The following KCNH7 variants were observed in gnomAD, a reference collection of about 807,000 sequenced individuals.
KCNH7 encodes voltage-gated inwardly rectifying potassium channel KCNH7.
Under a neutral mutation model 120.8 loss-of-function variants are expected in KCNH7, and 49 were observed. The ratio of observed to expected loss-of-function variants is 0.41; its 90% CI spans 0.32 to 0.51. The LOEUF is 0.51. Ranked by LOEUF, KCNH7 falls within the 20% of genes least tolerant of loss-of-function variation. The pLI is 0.38. For missense variants in KCNH7, 1,097 were observed against 1,446.6 expected (o/e 0.76, Z 3.92); for synonymous variants, 547 against 516.1 (o/e 1.06, Z -0.81).
rs1320641496 is a variant in KCNH7, at chr2:162,624,723, G to A, written c.308-87643C>T. 2.6e-5 allele frequency among the ~76,000 whole-genome samples: 4 copies of A among 151,858 alleles called. No homozygotes were observed. The East Asian group carries it at 7.8e-4, about 30-fold the overall frequency. On this transcript the variant is annotated intron_variant, in intron 2 of 15. Coordinates refer to ENST00000332142, the MANE Select transcript of KCNH7 (RefSeq NM_033272.4). Reference sequence around the variant, plus strand: ...GAATGAGAAACTTTAATCATTTTTAGTAACTCCTTACATGATAGCCCAGTT... The same window carrying A: ...GAATGAGAAACTTTAATCATTTTTAATAACTCCTTACATGATAGCCCAGTT...
intron 6 of KCNH7, among the ~76,000 whole-genome samples, chr2:162,487,365 C>T (rs1183926331): frequency 6.6e-6 from 1 of 152,054 alleles, no homozygotes. Context: ...TTATATTTTC[C>T]AAGTTTGCCT....
intron 2 of KCNH7, among the ~76,000 whole-genome samples, chr2:162,702,326 A>G (rs1686539218): frequency 6.6e-6 from 1 of 152,182 alleles, no homozygotes; most frequent in African/African-American, 2.4e-5. Context: ...CTATTACACC[A>G]TATTATGCAC....
chr2:162,566,300 A>C (rs1381383944), intron 2 of KCNH7, among the ~76,000 whole-genome samples: 1 of 152,030 alleles, frequency 6.6e-6, no homozygotes, highest in Non-Finnish European at 1.5e-5. Context: ...TTTTTGTGTA[A>C]AGCATGGTCG....
chr2:162,607,721 A>G (rs1193082953), intron 2 of KCNH7, among the ~76,000 whole-genome samples: 1 of 152,138 alleles, frequency 6.6e-6, no homozygotes, highest in East Asian at 1.9e-4. Flanking sequence ...ACAATTGCAT[A>G]CTTAAGTTGA....
At chr2:162,542,006 A>C (rs1013443680) in intron 2 of KCNH7, among the ~76,000 whole-genome samples, 23 of 152,040 alleles carry the variant, frequency 1.5e-4, no homozygotes, top group African/African-American at 5.6e-4. Flanking sequence ...TGTTTTAAGT[A>C]TGAAATTGTA....
chr2:162,598,506 A>T (rs1028836581), intron 2 of KCNH7, among the ~76,000 whole-genome samples: 7 of 152,132 alleles, frequency 4.6e-5, no homozygotes, highest in South Asian at 2.1e-4. Flanking sequence ...TTTTAAAATC[A>T]TAGCAGCATC....
At chr2:162,771,935 C>G (rs1683069557) in intron 2 of KCNH7, 1 of 152,120 alleles carries the variant, frequency 6.6e-6, no homozygotes, top group Admixed American at 6.6e-5. Flanking sequence ...CTCAAGGCAA[C>G]AGACGCATGA....
chr2:162,475,288 A>G (rs1038895024), intron 6 of KCNH7, among the ~76,000 whole-genome samples: 1 of 152,222 alleles, frequency 6.6e-6, no homozygotes, highest in South Asian at 2.1e-4. Flanking sequence ...TTGACAGTAA[A>G]GCCCTAATAA....
At chr2:162,731,993 C>T (rs1687745768) in intron 2 of KCNH7, among the ~76,000 whole-genome samples, 1 of 152,162 alleles carries the variant, frequency 6.6e-6, no homozygotes, top group Non-Finnish European at 1.5e-5. Flanking sequence ...CTTGAGTTTT[C>T]AGCTAAATGG....
intron 8 of KCNH7, among the ~76,000 whole-genome samples, chr2:162,429,428 G>C (rs1355948267): frequency 1.4e-5 from 1 of 70,332 alleles, no homozygotes; most frequent in Non-Finnish European, 2.6e-5. Context: ...ACCACTTCTA[G>C]TTTTTCGTTC....
chr2:162,591,553 C>T (rs1335170441), intron 2 of KCNH7, among the ~76,000 whole-genome samples: 1 of 152,028 alleles, frequency 6.6e-6, no homozygotes, highest in Non-Finnish European at 1.5e-5. Flanking sequence ...CAAGTACCTT[C>T]ATAGTGGTGC....
At chr2:162,552,837 G>T (rs1692719048) in intron 2 of KCNH7, among the ~76,000 whole-genome samples, 1 of 152,168 alleles carries the variant, frequency 6.6e-6, no homozygotes, top group Non-Finnish European at 1.5e-5. Context: ...ATGGAAAATG[G>T]ATTCTGCCAT....
intron 15 of KCNH7, 111 bp from the exon 16 acceptor site, chr2:162,372,206 A>C: frequency 1.2e-6 from 1 of 844,868 alleles, no homozygotes; most frequent in Non-Finnish European, 1.8e-6. Flanking sequence ...TCTATATTTG[A>C]TTAGTGATAT....
At chr2:162,601,487 C>G (rs1258953320) in intron 2 of KCNH7, among the ~76,000 whole-genome samples, 1 of 126,456 alleles carries the variant, frequency 7.9e-6, no homozygotes, top group Non-Finnish European at 1.6e-5. Flanking sequence ...CACAAATAAC[C>G]TTTAATGATC....
chr2:162,741,565 T>G (rs1688139274), intron 2 of KCNH7, among the ~76,000 whole-genome samples: 1 of 152,072 alleles, frequency 6.6e-6, no homozygotes, highest in Admixed American at 6.6e-5. Flanking sequence ...GCTCATAAAT[T>G]TTTGTAATTC....
chr2:162,470,230 C>G (rs898487821), intron 6 of KCNH7, among the ~76,000 whole-genome samples: 9 of 151,892 alleles, frequency 5.9e-5, no homozygotes, highest in Non-Finnish European at 1.0e-4. Context: ...AGGAGCCTCT[C>G]TGCCCGGCCG....
intron 2 of KCNH7, among the ~76,000 whole-genome samples, chr2:162,818,707 T>G (rs964726346): frequency 6.6e-6 from 1 of 152,228 alleles, no homozygotes; most frequent in African/African-American, 2.4e-5. Flanking sequence ...CTCCTTTAAC[T>G]TCTCTTAGCC....
intron 2 of KCNH7, among the ~76,000 whole-genome samples, chr2:162,655,290 A>G (rs1221604478): frequency 1.3e-5 from 2 of 152,196 alleles, no homozygotes; most frequent in Non-Finnish European, 2.9e-5. Flanking sequence ...AAATTGATCA[A>G]TTAAAAAGTT....
At chr2:162,509,659 G>C (rs1225640013) in intron 5 of KCNH7, among the ~76,000 whole-genome samples, 1 of 151,524 alleles carries the variant, frequency 6.6e-6, no homozygotes, top group Non-Finnish European at 1.5e-5. Context: ...GGAGTAAACT[G>C]TTATCATTGA....
Sources: gnomAD v4.1 joint callset for allele counts (sites outside exome capture counted in the v4.1 genomes callset) on GRCh38, gnomAD v4.1.1 for gene constraint, MANE v1.5 for transcripts, NCBI Gene and HGNC (gene_info 2026-07-23, HGNC 2026-07-21) for gene names.